The following TTC33 variants were observed in gnomAD, a reference collection of about 807,000 sequenced individuals.
TTC33 encodes tetratricopeptide repeat protein 33.
A neutral mutation model predicts 29.4 loss-of-function variants in TTC33; 24 were observed. The observed-to-expected ratio is 0.82, with a 90% CI of 0.59 to 1.15. The LOEUF (loss-of-function observed/expected upper bound fraction) is 1.15, where lower values mean the gene tolerates loss of function less well. Ranked by LOEUF, TTC33 falls within the 50% of genes most tolerant of loss-of-function variation. TTC33 has a pLI of 0.00. For missense variants in TTC33, 286 were observed against 310.4 expected (o/e 0.92, Z 0.59); for synonymous variants, 107 against 100.3 (o/e 1.07, Z -0.40).
rs1434561663 is a variant in TTC33 at position 40,713,230 on chromosome 5, TC to T, written c.*2914del. On this transcript the variant is annotated 3_prime_UTR_variant, in exon 5 of 5. Coordinates refer to ENST00000337702, the MANE Select transcript of TTC33 (RefSeq NM_012382.3). ...TGAAATCATAGCTCAGAATTGCTGG[TC>T]CAGAGTCACTTTAGAATGGCTCTGA... is the stretch of plus-strand genomic sequence containing the variant. Among the ~76,000 whole-genome samples the T allele has an allele frequency of 6.6e-6, 1 of 152,140 alleles. No homozygotes were observed. The highest frequency in any genetic ancestry group is 1.5e-5 in the Non-Finnish European group (1 of 68,004).
At chr5:40,723,660 T>C (rs183759099) in intron 4 of TTC33, among the ~76,000 whole-genome samples, 3 of 150,914 alleles carry the variant, frequency 2.0e-5, no homozygotes, top group African/African-American at 7.3e-5. Context: ...AGACCAGGAG[T>C]TCAAGACCAG....
chr5:40,735,550 G>A (rs946564183), intron 2 of TTC33, among the ~76,000 whole-genome samples: 14 of 152,256 alleles, frequency 9.2e-5, no homozygotes, highest in African/African-American at 2.9e-4. Context: ...AGGATCCCAC[G>A]CAATCAAGAG....
rs777669032 is a variant in TTC33, at chr5:40,716,482, T to C, written c.452A>G (p.Gln151Arg). 6.9e-6 allele frequency: 11 copies of C among 1,588,370 alleles called. No individual in the cohort carries two copies. ...CATTGGATAGATGTGAAGGGCTACT[T>C]GAAAACTTCGAATTGCCTAGAAAAT... Reference protein sequence around the residue: ...GEIILAIRSFQVALHIYPMNP... With the variant: ...GEIILAIRSFRVALHIYPMNP... Residue 151 changes from glutamine (Q) to arginine (R), a missense_variant, in exon 5 of 5, where the codon CAA becomes CGA. Physicochemically the swap from Gln to Arg is conservative, Grantham distance 43. Transcript: ENST00000337702.
intron 2 of TTC33, among the ~76,000 whole-genome samples, chr5:40,745,017 T>G (rs570059869): frequency 6.6e-6 from 1 of 152,108 alleles, no homozygotes; most frequent in East Asian, 1.9e-4. Context: ...AAGAAACACA[T>G]GAGATAGAGG....
intron 2 of TTC33, among the ~76,000 whole-genome samples, chr5:40,736,224 T>G (rs562290765): frequency 1.4e-4 from 21 of 152,176 alleles, no homozygotes; most frequent in African/African-American, 4.8e-4. Flanking sequence ...GAAAATAAAG[T>G]CATTCTACAC....
intron 2 of TTC33, among the ~76,000 whole-genome samples, chr5:40,736,804 C>T (rs1742561786): frequency 1.3e-5 from 2 of 152,014 alleles, no homozygotes; most frequent in Admixed American, 1.3e-4. Flanking sequence ...AATAACTACC[C>T]AAAGTTTATG....
intron 2 of TTC33, among the ~76,000 whole-genome samples, chr5:40,745,527 CTTTTG>C (rs970380464): frequency 3.0e-4 from 46 of 151,638 alleles, no homozygotes; most frequent in Non-Finnish European, 4.4e-4. Flanking sequence ...TTGTCCTATT[CTTTTG>C]TTTTGTTTTG....
chr5:40,724,263 G>A (rs1457317478), intron 4 of TTC33, among the ~76,000 whole-genome samples: 2 of 152,184 alleles, frequency 1.3e-5, no homozygotes, highest in Non-Finnish European at 2.9e-5. Context: ...AGTGAAAGAA[G>A]CCAGTCACAG....
At position 40,713,726 on chromosome 5, in the gene TTC33, A is replaced by T. The variant is rs1000178110; in HGVS notation, c.*2419T>A. Among the ~76,000 whole-genome samples the T allele has an allele frequency of 2.0e-5, 3 of 152,194 alleles. No homozygotes were observed. Among genetic ancestry groups the T allele is most frequent in the African/African-American group, 7.2e-5 (3 of 41,466 alleles). ...ACAAGAATAATGTAAATTATAGTCA[A>T]TATAACTTGAACAGTAAACAGTGTT... On this transcript the variant is annotated 3_prime_UTR_variant, in exon 5 of 5. Coordinates refer to ENST00000337702, the MANE Select transcript of TTC33 (RefSeq NM_012382.3).
rs955530108 is a variant in TTC33, at chr5:40,714,804, T to C, written c.*1341A>G. The C allele has an allele frequency of 6.6e-6, 1 of 152,282 alleles. No homozygotes were observed. Among genetic ancestry groups the C allele is most frequent in the Non-Finnish European group, 1.5e-5 (1 of 67,980 alleles). 9.4% of individuals were successfully genotyped at this position (152,282 alleles called of 1,614,324 possible). ...CTTCATAAAAAATGTAGATCATTAC[T>C]TATAAGCTCCAACAGTAGTAAGATC... On this transcript the variant is annotated 3_prime_UTR_variant, in exon 5 of 5. Coordinates refer to ENST00000337702, the MANE Select transcript of TTC33 (RefSeq NM_012382.3).
At chr5:40,738,552 T>TA (rs1222559899) in intron 2 of TTC33, among the ~76,000 whole-genome samples, 2 of 112,676 alleles carry the variant, frequency 1.8e-5, no homozygotes, top group Non-Finnish European at 4.0e-5. Context: ...TAAAATAAAA[T>TA]AAAATAAAAT....
chr5:40,738,990 T>C (rs1372849763), intron 2 of TTC33, among the ~76,000 whole-genome samples: 3 of 152,198 alleles, frequency 2.0e-5, no homozygotes, highest in Non-Finnish European at 4.4e-5. Flanking sequence ...TCTCCCAGCC[T>C]GTGGCCTGAC....
At chr5:40,753,372 A>AAAAGAAAGAAAG (rs200588087) in intron 1 of TTC33, among the ~76,000 whole-genome samples, 84 of 151,212 alleles carry the variant, frequency 5.6e-4, no homozygotes, top group Non-Finnish European at 1.1e-3. Context: ...CTCAAAAAAA[A>AAAAGAAAGAAAG]AAAGAAAGAA....
chr5:40,721,750 C>T (rs1405033527), intron 4 of TTC33, among the ~76,000 whole-genome samples: 2 of 151,886 alleles, frequency 1.3e-5, no homozygotes, highest in Non-Finnish European at 2.9e-5. Flanking sequence ...AAATGATTTC[C>T]TGAATATAAC....
rs1741909178 is a variant in TTC33 at position 40,712,113 on chromosome 5, C to T, written c.*4032G>A. The stretch of plus-strand genomic sequence containing the variant: ...GTTAATAGAGGTGAACAGAGGATAT[C>T]CTAATTCATTTCACATTCTTCCCTT... On this transcript the variant is annotated 3_prime_UTR_variant, in exon 5 of 5. Coordinates refer to ENST00000337702, the MANE Select transcript of TTC33 (RefSeq NM_012382.3). Among the ~76,000 whole-genome samples, 1 of 152,050 alleles carries T rather than the reference C, an allele frequency of 6.6e-6. No homozygotes were observed. The highest frequency in any genetic ancestry group is 1.5e-5 in the Non-Finnish European group (1 of 67,994).
chr5:40,725,846 C>T (rs1204054682), intron 4 of TTC33, among the ~76,000 whole-genome samples: 4 of 144,986 alleles, frequency 2.8e-5, no homozygotes, highest in African/African-American at 5.2e-5. Context: ...AGTGCAGTGG[C>T]GCGATCTCAG....
chr5:40,747,588 CT>C (rs1221741096), intron 1 of TTC33, among the ~76,000 whole-genome samples: 1 of 152,136 alleles, frequency 6.6e-6, no homozygotes, highest in Non-Finnish European at 1.5e-5. Context: ...GATCAGGCCT[CT>C]ACCTATAAGA....
At chr5:40,722,522 C>A (rs1028372956) in intron 4 of TTC33, among the ~76,000 whole-genome samples, 5 of 151,730 alleles carry the variant, frequency 3.3e-5, no homozygotes, top group Non-Finnish European at 7.4e-5. Flanking sequence ...CCCACCTCCC[C>A]GTCTGGAATG....
At chr5:40,738,528 ACAATAAAATAC>A (rs1561151246) in intron 2 of TTC33, among the ~76,000 whole-genome samples, 5 of 133,914 alleles carry the variant, frequency 3.7e-5, no homozygotes, top group African/African-American at 1.4e-4. Context: ...AAAATAAAAT[ACAATAAAATAC>A]AATAAAATAA....
Sources: allele counts gnomAD v4.1 joint callset (sites outside exome capture counted in the v4.1 genomes callset), GRCh38; gene constraint gnomAD v4.1.1; transcripts MANE v1.5; gene names NCBI Gene and HGNC (gene_info 2026-07-23, HGNC 2026-07-21).